The following FBXL19 variants were observed in gnomAD, a reference collection of about 807,000 sequenced individuals.
FBXL19 encodes F-box and leucine rich repeat protein 19.
In FBXL19, 16 loss-of-function variants were observed where a neutral mutation model predicts 71.2. That is an observed-to-expected ratio of 0.22 (90% CI 0.15 to 0.34). The LOEUF (loss-of-function observed/expected upper bound fraction) is 0.34, where lower values mean the gene tolerates loss of function less well. FBXL19 is among the 10% of genes least tolerant of loss of function. FBXL19 has a pLI of 1.00. For missense variants in FBXL19, 658 were observed against 968.2 expected (o/e 0.68, Z 4.25); for synonymous variants, 447 against 409.4 (o/e 1.09, Z -1.11).
chr16:30,936,381 T>C (rs930933815), intron 7 of FBXL19, among the ~76,000 whole-genome samples: 2 of 151,632 alleles, frequency 1.3e-5, no homozygotes, highest in Non-Finnish European at 2.9e-5. Context: ...CTCTACTACC[T>C]ACCACTTGGT....
At chr16:30,944,067 G>T (rs905595128) in intron 9 of FBXL19, among the ~76,000 whole-genome samples, 3 of 152,010 alleles carry the variant, frequency 2.0e-5, no homozygotes, top group African/African-American at 7.3e-5. Flanking sequence ...TGGGCATTGG[G>T]AATGGTGCAT....
chr16:30,926,241 G>A (rs1596649267), intron 2 of FBXL19, among the ~76,000 whole-genome samples: 1 of 152,128 alleles, frequency 6.6e-6, no homozygotes, highest in Non-Finnish European at 1.5e-5. Flanking sequence ...GCAGGAGGGG[G>A]CCCATCCCCA....
At chr16:30,932,955 C>CT (rs1281189602) in intron 7 of FBXL19, among the ~76,000 whole-genome samples, 2 of 149,476 alleles carry the variant, frequency 1.3e-5, no homozygotes, top group Non-Finnish European at 1.5e-5. Context: ...ATTCTCCTGT[C>CT]TCAGCCTCCC....
At chr16:30,936,924 G>A (rs573874112) in intron 7 of FBXL19, among the ~76,000 whole-genome samples, 1 of 151,704 alleles carries the variant, frequency 6.6e-6, no homozygotes, top group South Asian at 2.1e-4. Flanking sequence ...TGTATTTTTA[G>A]TAGAGACGAG....
chr16:30,926,056 C>A lies in FBXL19; in HGVS notation c.177+125C>A. The A allele has an allele frequency of 1.5e-6, 2 of 1,331,286 alleles. 1 individual carries two copies. The highest frequency in any genetic ancestry group is 1.9e-6 in the Non-Finnish European group (2 of 1,042,678). The allele number at this position is 1,331,286 out of a possible 1,614,324, so 82.5% of individuals were successfully genotyped here. A position where few individuals can be genotyped will look rare whatever the true frequency, so the allele number is the denominator to read the frequency against. On this transcript the variant is annotated intron_variant, in intron 2 of 10. Transcript: ENST00000338343. ...TGTTCACTCGTTCATTTCTTCCCTT[C>A]ATTCACTAGTTTGTGTCAGTATCCA...
chr16:30,931,316 C>T (rs1272385414), intron 7 of FBXL19, among the ~76,000 whole-genome samples: 4 of 152,170 alleles, frequency 2.6e-5, no homozygotes, highest in Non-Finnish European at 5.9e-5. Context: ...GTTGACAAGC[C>T]TTCATTCATT....
At position 30,930,050 on chromosome 16, in the gene FBXL19, G is replaced by C; in HGVS notation, c.790-23G>C. On this transcript the variant is annotated intron_variant, in intron 6 of 10. Transcript: ENST00000338343. The surrounding 1 kb of genome is among the most constrained non-coding windows in gnomAD (Gnocchi z 8.5). Reference sequence around the variant, plus strand: ...AAAATGTATCCCAGGCCCTAGAACAGCATCAACCCTGTCTCCCTGCAGAAA... The same window carrying C: ...AAAATGTATCCCAGGCCCTAGAACACCATCAACCCTGTCTCCCTGCAGAAA... 1 of 1,602,802 alleles carries C rather than the reference G, an allele frequency of 6.2e-7. No homozygotes were observed. The highest frequency in any genetic ancestry group is 8.5e-7 in the Non-Finnish European group (1 of 1,173,266).
Position 30,927,801 on chromosome 16 carries a change from C to G in FBXL19, c.465C>G (p.Ser155Arg). 1 of 1,552,510 alleles carries G rather than the reference C, an allele frequency of 6.4e-7. No homozygotes were observed. The highest frequency in any genetic ancestry group is 8.7e-7 in the Non-Finnish European group (1 of 1,148,714). The change falls in exon 5 of 11, where the codon AGC (serine) becomes AGG (arginine). Residue 155 changes from serine to arginine, a missense_variant. Around this residue, in one of 8 missense-constraint regions of FBXL19, gnomAD observed 447 missense variants for 515.4 expected, o/e 0.87. Coordinates refer to ENST00000338343, the MANE Select transcript of FBXL19 (RefSeq NM_001382779.1). ...CCGACAACGGCGAGGAGGGCGCCAG[C>G]TTGGGGAGCGGATGGAAGCTGACAG... Reference protein sequence around the residue: ...RRADNGEEGASLGSGWKLTEE... With the variant: ...RRADNGEEGARLGSGWKLTEE...
intron 7 of FBXL19, among the ~76,000 whole-genome samples, chr16:30,939,499 C>A (rs1003256640): frequency 6.6e-6 from 1 of 150,794 alleles, no homozygotes; most frequent in Non-Finnish European, 1.5e-5. Context: ...CTGCAAGCTC[C>A]ACCTCCCAGA....
intron 4 of FBXL19, 23 bp from the exon 5 acceptor site, chr16:30,927,721 AC>A (rs749016312): frequency 1.3e-6 from 2 of 1,554,316 alleles, no homozygotes; most frequent in African/African-American, 2.7e-5. Flanking sequence ...GCAGGTCCTC[AC>A]CCCCAGCTTC....
In FBXL19 at chr16:30,930,419, G is replaced by A. The variant is rs770770068; in HGVS notation, c.1136G>A (p.Arg379Gln). 9 of 1,525,424 alleles carry A rather than the reference G, an allele frequency of 5.9e-6. No homozygotes were observed. In the African/African-American group the frequency reaches 6.9e-5, roughly 12 times the overall value. The allele number at this position is 1,525,424 out of a possible 1,614,324, so 94.5% of individuals were successfully genotyped here. ...CCACCCCGGCCTCCACAGCTGGAGC[G>A]GCACGTGGTGCGGCCCCCGCCTCGA... The part of the protein sequence containing the change: ...APPPRPPQLE[R>Q]HVVRPPPRSP... The change falls in exon 7 of 11, where the codon CGG (arginine) becomes CAG (glutamine). Residue 379 changes from arginine (R) to glutamine (Q), a missense_variant. Coordinates refer to ENST00000338343, the MANE Select transcript of FBXL19 (RefSeq NM_001382779.1). The surrounding 1 kb of genome is among the most constrained non-coding windows in gnomAD (Gnocchi z 8.5).
chr16:30,924,381 C>T lies in FBXL19; in HGVS notation c.-103C>T, dbSNP rs2055564617. 5.3e-6 allele frequency: 1 copy of T among 187,800 alleles called. No homozygotes were observed. Among genetic ancestry groups the T allele is most frequent in the Non-Finnish European group, 1.1e-5 (1 of 91,210 alleles). 11.6% of individuals were successfully genotyped at this position (187,800 alleles called of 1,614,324 possible). On this transcript the variant is annotated 5_prime_UTR_variant, in exon 1 of 11. Coordinates refer to ENST00000338343, the MANE Select transcript of FBXL19 (RefSeq NM_001382779.1). The stretch of plus-strand genomic sequence containing the variant: ...TGAGCGTTCCGCGCCCCGCGCCGCC[C>T]GGCCCCCCCGCCGCCGATGGCCGCC...
intron 7 of FBXL19, among the ~76,000 whole-genome samples, chr16:30,935,735 G>A (rs970119695): frequency 2.6e-5 from 4 of 152,110 alleles, no homozygotes; most frequent in African/African-American, 9.7e-5. Flanking sequence ...GTTCCCGGGG[G>A]CTTCTGCAAG....
Position 30,925,943 on chromosome 16 carries a change from C to A in FBXL19, c.177+12C>A. 6.8e-7 allele frequency: 1 copy of A among 1,477,388 alleles called. No individual in the cohort carries two copies. The highest frequency in any genetic ancestry group is 8.9e-7 in the Non-Finnish European group (1 of 1,118,724). The allele number at this position is 1,477,388 out of a possible 1,614,324, so 91.5% of individuals were successfully genotyped here. ...GGCAGTGCACTGCCGTGAGTTCTGCCCCCACCTTTGGGCTCTGCCCACCCT... is the reference window on the plus strand; with the variant it reads ...GGCAGTGCACTGCCGTGAGTTCTGCACCCACCTTTGGGCTCTGCCCACCCT... On this transcript the variant is annotated intron_variant, in intron 2 of 10. Coordinates refer to ENST00000338343, the MANE Select transcript of FBXL19 (RefSeq NM_001382779.1). This position sits in a 1 kb window ranked among gnomAD's most constrained non-coding sequence, Gnocchi z 5.0.
intron 7 of FBXL19, among the ~76,000 whole-genome samples, chr16:30,934,431 G>A (rs2055708923): frequency 1.3e-5 from 2 of 151,716 alleles, no homozygotes; most frequent in South Asian, 4.2e-4. Context: ...GCCGAGGCAG[G>A]CGAATCACCT....
upstream of FBXL19, among the ~76,000 whole-genome samples, chr16:30,923,537 AGGAGGGAAGGAGGAG>A (rs2055549965): frequency 4.9e-5 from 3 of 61,174 alleles, no homozygotes; most frequent in South Asian, 1.7e-3. Flanking sequence ...GAGGAGGAGG[AGGAGGGAAGGAGGAG>A]GGAGGGGAGG....
At position 30,928,556 on chromosome 16, in the gene FBXL19, GC is replaced by G; in HGVS notation, c.723del (p.Arg242GlyfsTer3). ...CGGACCCAGGCGGCCCGGGCCTGCT[GC>G]CCCCCAGGGTTCTGAATCCGAGCCA... is the stretch of plus-strand genomic sequence containing the variant. ...GSDPGGPGLL[P>X]PRVLNPSQAF... On this transcript the variant is annotated frameshift_variant, in exon 6 of 11. Coordinates refer to ENST00000338343, the MANE Select transcript of FBXL19 (RefSeq NM_001382779.1). LOFTEE classifies it high-confidence loss of function. 6.2e-7 allele frequency: 1 copy of G among 1,607,894 alleles called. No individual in the cohort carries two copies. Among genetic ancestry groups the G allele is most frequent in the Non-Finnish European group, 8.5e-7 (1 of 1,177,232 alleles).
Position 30,930,232 on chromosome 16 carries a change from T to A in FBXL19, c.949T>A (p.Ser317Thr). The part of the protein sequence containing the change: ...SSDSDSDSDS[S>T]GTSLSEDEAP... Reference sequence around the variant, plus strand: ...GGACTCAGACTCCGACTCCGACTCTTCGGGCACATCGCTGAGTGAGGACGA... The same window carrying A: ...GGACTCAGACTCCGACTCCGACTCTACGGGCACATCGCTGAGTGAGGACGA... Residue 317 changes from serine (S) to threonine (T), a missense_variant, in exon 7 of 11, where the codon TCG becomes ACG. By Grantham distance (58) the Ser-to-Thr change is moderately conservative. Around this residue, in one of 8 missense-constraint regions of FBXL19, gnomAD observed 447 missense variants for 515.4 expected, o/e 0.87. Transcript: ENST00000338343. The surrounding 1 kb of genome is among the most constrained non-coding windows in gnomAD (Gnocchi z 8.5). 1 of 1,613,004 alleles carries A rather than the reference T, an allele frequency of 6.2e-7. No homozygotes were observed. Among genetic ancestry groups the A allele is most frequent in the Non-Finnish European group, 8.5e-7 (1 of 1,179,858 alleles).
intron 1 of FBXL19, chr16:30,924,857 G>A: frequency 3.7e-6 from 4 of 1,086,312 alleles, no homozygotes; most frequent in Non-Finnish European, 2.5e-6. Context: ...GGAGCCCAAG[G>A]GATTCTAGAT....
Sources: gnomAD v4.1 joint callset for allele counts (sites outside exome capture counted in the v4.1 genomes callset) on GRCh38, gnomAD v4.1.1 for gene constraint, gnomAD v4.1.1 regional missense constraint, Gnocchi (gnomAD v3.1) non-coding constraint, MANE v1.5 for transcripts, NCBI Gene and HGNC (gene_info 2026-07-23, HGNC 2026-07-21) for gene names.